The following RHOA variants were observed in gnomAD, a reference collection of about 807,000 sequenced individuals.
RHOA encodes transforming protein RhoA.
A neutral mutation model predicts 17.5 loss-of-function variants in RHOA; 3 were observed. The ratio of observed to expected loss-of-function variants is 0.17; its 90% CI spans 0.08 to 0.44. RHOA has a LOEUF of 0.44. RHOA is among the 20% of genes least tolerant of loss of function. The pLI, the probability that RHOA is intolerant of heterozygous loss-of-function variation, is 0.99. For missense variants in RHOA, 56 were observed against 242.3 expected (o/e 0.23, Z 5.10); for synonymous variants, 98 against 88.4 (o/e 1.11, Z -0.61).
Position 49,404,514 on chromosome 3 carries a change from G to A in RHOA, c.-3+7306C>T, listed in dbSNP as rs549812970. The stretch of plus-strand genomic sequence containing the variant: ...TAGTCCCAGCTACTTGGGAGGCTGA[G>A]GCAGGAGAATCGCTTGCACCCTGGT... On this transcript the variant is annotated intron_variant, in intron 1 of 4. Transcript: ENST00000418115. Among the ~76,000 whole-genome samples the A allele has an allele frequency of 2.7e-3, 385 of 144,974 alleles. 3 individuals are homozygous for A. The highest frequency in any genetic ancestry group is 9.2e-3 in the African/African-American group (358 of 39,108).
At position 49,396,793 on chromosome 3, in the gene RHOA, C is replaced by A. The variant is rs138778134; in HGVS notation, c.-3+15027G>T. 1.1e-4 allele frequency among the ~76,000 whole-genome samples: 17 copies of A among 151,874 alleles called. No homozygotes were observed. The East Asian group carries it at 2.9e-3, about 26-fold the overall frequency. On this transcript the variant is annotated intron_variant, in intron 1 of 4. Transcript: ENST00000418115. ...CTTAAGCACGAGTTCAACACCAGCCCGGGCAACATAGTGAGACCACATCTT... is the reference window on the plus strand; with the variant it reads ...CTTAAGCACGAGTTCAACACCAGCCAGGGCAACATAGTGAGACCACATCTT...
chr3:49,367,941 G>C (rs906505438), intron 3 of RHOA, among the ~76,000 whole-genome samples: 3 of 151,484 alleles, frequency 2.0e-5, no homozygotes, highest in Non-Finnish European at 4.4e-5. Flanking sequence ...ATAGAGTCTT[G>C]CTCTGTTGCT....
chr3:49,403,319 A>G (rs555517276), intron 1 of RHOA, among the ~76,000 whole-genome samples: 4 of 152,288 alleles, frequency 2.6e-5, no homozygotes, highest in East Asian at 1.9e-4. Flanking sequence ...AGATGACAGA[A>G]TAAGACTCCG....
rs2047934746 is a variant in RHOA at position 49,359,994 on chromosome 3, G to A, written c.*215C>T. On this transcript the variant is annotated 3_prime_UTR_variant, in exon 5 of 5. Transcript: ENST00000418115. ...GTGTCAGGTGGGAGTGCAGAGGAGG[G>A]CTGTTAGAGCAGTGTCAAAAGGACC... 2.1e-6 allele frequency: 1 copy of A among 481,558 alleles called. No individual in the cohort carries two copies. The allele number at this position is 481,558 out of a possible 1,614,324, so 29.8% of individuals were successfully genotyped here.
At chr3:49,370,432 G>A (rs17080560) in intron 2 of RHOA, among the ~76,000 whole-genome samples, 3,690 of 152,262 alleles carry the variant, frequency 0.024, 142 homozygotes, top group African/African-American at 0.084. Flanking sequence ...GCATACAGGC[G>A]AGAGAGGAAG....
chr3:49,375,617 C>G (rs755372633), intron 1 of RHOA, 26 bp from the exon 2 acceptor site: 2 of 1,608,034 alleles, frequency 1.2e-6, no homozygotes, highest in Non-Finnish European at 1.7e-6. Flanking sequence ...CAGATATTAC[C>G]TGCAATGCAC....
rs2107829982 is a variant in RHOA, at chr3:49,362,528, G to A, written c.376C>T (p.His126Tyr). 3 of 1,613,524 alleles carry A rather than the reference G, an allele frequency of 1.9e-6. No individual in the cohort carries two copies. Among genetic ancestry groups the A allele is most frequent in the Non-Finnish European group, 2.5e-6 (3 of 1,179,720 alleles). The stretch of plus-strand genomic sequence containing the variant: ...ATCTTGGCTAGCTCCCGCCTTGTGT[G>A]CTCATCATTCCGAAGATCCTTCTTA... ...GNKKDLRNDEHTRRELAKMKQ... is the reference protein window; with the variant it reads ...GNKKDLRNDEYTRRELAKMKQ... Residue 126 changes from histidine to tyrosine, a missense_variant, in exon 4 of 5, where the codon CAC (histidine) becomes TAC (tyrosine). Coordinates refer to ENST00000418115, the MANE Select transcript of RHOA (RefSeq NM_001664.4).
rs895208916 is a variant in RHOA at position 49,359,777 on chromosome 3, G to A, written c.*432C>T. 4.3e-6 allele frequency: 1 copy of A among 234,998 alleles called. No individual in the cohort carries two copies. Among genetic ancestry groups the A allele is most frequent in the Non-Finnish European group, 8.4e-6 (1 of 118,690 alleles). 14.6% of individuals were successfully genotyped at this position (234,998 alleles called of 1,614,324 possible). ...TTTTCAAAAAACTGCCCACCCCAGA[G>A]CTATGCCAACAAAATCTGTTACGGA... On this transcript the variant is annotated 3_prime_UTR_variant, in exon 5 of 5. Transcript: ENST00000418115.
chr3:49,382,564 A>G (rs765803334), intron 1 of RHOA, among the ~76,000 whole-genome samples: 3 of 152,174 alleles, frequency 2.0e-5, no homozygotes, highest in Non-Finnish European at 4.4e-5. Context: ...TGAGTACAGG[A>G]GGCAGAGGTT....
At chr3:49,383,256 T>C (rs760440931) in intron 1 of RHOA, among the ~76,000 whole-genome samples, 3 of 151,116 alleles carry the variant, frequency 2.0e-5, no homozygotes, top group Non-Finnish European at 4.4e-5. Context: ...ACATTTCTAC[T>C]AAAAATACAA....
chr3:49,362,708 G>A, intron 3 of RHOA, 82 bp from the exon 4 acceptor site: 2 of 1,190,240 alleles, frequency 1.7e-6, no homozygotes, highest in Non-Finnish European at 2.4e-6. Context: ...AAATTGCAGA[G>A]ACACTTTCTT....
chr3:49,388,856 C>A (rs980989134), intron 1 of RHOA, among the ~76,000 whole-genome samples: 2 of 152,164 alleles, frequency 1.3e-5, no homozygotes, highest in African/African-American at 4.8e-5. Context: ...ACATATCTAA[C>A]CATGTGTTAT....
intron 3 of RHOA, among the ~76,000 whole-genome samples, chr3:49,364,266 C>T (rs1441693658): frequency 6.6e-6 from 1 of 152,072 alleles, no homozygotes; most frequent in African/African-American, 2.4e-5. Flanking sequence ...GGGTGGATCA[C>T]CTCAGGTCGG....
chr3:49,379,772 T>C (rs947458317), intron 1 of RHOA, among the ~76,000 whole-genome samples: 1 of 152,308 alleles, frequency 6.6e-6, no homozygotes, highest in Middle Eastern at 3.4e-3. Context: ...TGCCTGTCTC[T>C]CCCAGTGTGT....
At chr3:49,378,544 T>C (rs576327465) in intron 1 of RHOA, among the ~76,000 whole-genome samples, 1 of 151,992 alleles carries the variant, frequency 6.6e-6, no homozygotes, top group South Asian at 2.1e-4. Flanking sequence ...CCACTGCCCA[T>C]CTATCTACGC....
chr3:49,387,660 G>T (rs1234882042), intron 1 of RHOA, among the ~76,000 whole-genome samples: 1 of 150,526 alleles, frequency 6.6e-6, no homozygotes, highest in Non-Finnish European at 1.5e-5. Flanking sequence ...TAGGAGAATG[G>T]TGTGAACCCG....
intron 1 of RHOA, among the ~76,000 whole-genome samples, chr3:49,380,940 G>A (rs199692084): frequency 4.7e-5 from 7 of 150,224 alleles, no homozygotes; most frequent in African/African-American, 7.3e-5. Context: ...ACGTGTGTGT[G>A]TATATATATA....
chr3:49,382,149 C>G (rs2048328567), intron 1 of RHOA, among the ~76,000 whole-genome samples: 1 of 150,624 alleles, frequency 6.6e-6, no homozygotes. Flanking sequence ...GAAATCCCGT[C>G]TCTACTAAAA....
intron 1 of RHOA, among the ~76,000 whole-genome samples, chr3:49,407,546 T>C (rs1469228121): frequency 6.6e-6 from 1 of 152,224 alleles, no homozygotes; most frequent in African/African-American, 2.4e-5. Context: ...GAATTCCTTT[T>C]TATATTTGTC....
Sources: gnomAD v4.1 joint callset for allele counts (sites outside exome capture counted in the v4.1 genomes callset) on GRCh38, gnomAD v4.1.1 for gene constraint, MANE v1.5 for transcripts, NCBI Gene and HGNC (gene_info 2026-07-23, HGNC 2026-07-21) for gene names.